Variants in NKAIN2 observed in about 807,000 individuals in gnomAD.
NKAIN2 encodes the protein sodium/potassium transporting ATPase interacting 2.
In NKAIN2, 14 loss-of-function variants were observed where a neutral mutation model predicts 32.6. That is an observed-to-expected ratio of 0.43 (90% CI 0.28 to 0.67). The LOEUF (loss-of-function observed/expected upper bound fraction) is 0.67, where lower values mean the gene tolerates loss of function less well. NKAIN2 is among the 30% of genes least tolerant of loss of function. The pLI, the probability that NKAIN2 is intolerant of heterozygous loss-of-function variation, is 0.17. For synonymous variants in NKAIN2, 80 were observed against 87.2 expected (o/e 0.92, Z 0.46); for missense variants, 198 against 258.3 (o/e 0.77, Z 1.60).
chr6:124,453,322 AACACACACACACACACAC>A (rs766482280), intron 3 of NKAIN2, among the ~76,000 whole-genome samples: 1 of 63,872 alleles, frequency 1.6e-5, no homozygotes, highest in African/African-American at 5.1e-5. Flanking sequence ...CATGCATATA[AACACACACACACACACAC>A]ACACACACAC....
chr6:123,888,974 G>A (rs1467982565), intron 1 of NKAIN2, among the ~76,000 whole-genome samples: 2 of 152,106 alleles, frequency 1.3e-5, no homozygotes, highest in South Asian at 2.1e-4. Context: ...ACAGCAGGGC[G>A]AGCTGTATCA....
chr6:123,856,816 T>C (rs931436548), intron 1 of NKAIN2, among the ~76,000 whole-genome samples: 3 of 152,180 alleles, frequency 2.0e-5, no homozygotes, highest in African/African-American at 7.2e-5. Context: ...CTGCTCAAGT[T>C]TGAGAATTGC....
chr6:124,345,236 A>G (rs1356536861), intron 2 of NKAIN2, among the ~76,000 whole-genome samples: 1 of 152,160 alleles, frequency 6.6e-6, no homozygotes, highest in South Asian at 2.1e-4. Flanking sequence ...TCAGTTTGCC[A>G]GTATTTTATT....
At chr6:123,978,533 G>A (rs550267115) in intron 1 of NKAIN2, among the ~76,000 whole-genome samples, 2 of 152,316 alleles carry the variant, frequency 1.3e-5, no homozygotes, top group South Asian at 2.1e-4. Flanking sequence ...GATACATAGT[G>A]TGAAATGTAC....
chr6:124,016,930 G>A, intron 1 of NKAIN2, among the ~76,000 whole-genome samples: 1 of 152,192 alleles, frequency 6.6e-6, no homozygotes, highest in East Asian at 1.9e-4. Context: ...ACCCCAGGAT[G>A]TCAAGTGCCT....
rs559990279 is a variant in NKAIN2 at position 124,404,822 on chromosome 6, T to A, written c.273+49475T>A. ...TCATTAAAATATAAATCTTGTATCT[T>A]AAATTTACCAAGAGATTCTTTTTAT... On this transcript the variant is annotated intron_variant, in intron 3 of 6. Coordinates refer to ENST00000368417, the MANE Select transcript of NKAIN2 (RefSeq NM_001040214.3). 2.7e-4 allele frequency among the ~76,000 whole-genome samples: 41 copies of A among 152,332 alleles called. No individual in the cohort carries two copies. In the South Asian group the frequency reaches 2.9e-3, roughly 11 times the overall value.
chr6:124,076,572 G>A (rs955920000), intron 1 of NKAIN2, among the ~76,000 whole-genome samples: 1 of 152,178 alleles, frequency 6.6e-6, no homozygotes, highest in Non-Finnish European at 1.5e-5. Context: ...GATGGAACAC[G>A]TGAGGGTGAA....
At chr6:124,011,500 C>T (rs1780324634) in intron 1 of NKAIN2, among the ~76,000 whole-genome samples, 1 of 151,508 alleles carries the variant, frequency 6.6e-6, no homozygotes, top group African/African-American at 2.4e-5. Context: ...TAAATCATTA[C>T]CTTCCTTCCT....
intron 1 of NKAIN2, among the ~76,000 whole-genome samples, chr6:124,258,313 C>G (rs1004266630): frequency 2.0e-4 from 31 of 152,180 alleles, no homozygotes; most frequent in African/African-American, 7.2e-4. Flanking sequence ...CCAGTGTGCC[C>G]TGTGACAGCA....
chr6:124,231,813 A>G (rs1167435745), intron 1 of NKAIN2, among the ~76,000 whole-genome samples: 1 of 151,846 alleles, frequency 6.6e-6, no homozygotes, highest in Non-Finnish European at 1.5e-5. Context: ...AAAATGGACT[A>G]ATATTTATGT....
intron 2 of NKAIN2, among the ~76,000 whole-genome samples, chr6:124,286,587 G>C (rs568636724): frequency 6.6e-6 from 1 of 151,810 alleles, no homozygotes; most frequent in South Asian, 2.1e-4. Context: ...TCTAATCGTA[G>C]TGAGTTAGAA....
At chr6:124,652,882 C>T (rs919144744) in intron 3 of NKAIN2, among the ~76,000 whole-genome samples, 2 of 152,164 alleles carry the variant, frequency 1.3e-5, no homozygotes, top group Non-Finnish European at 2.9e-5. Flanking sequence ...GGCTTCACTT[C>T]CCAACACTAT....
intron 1 of NKAIN2, among the ~76,000 whole-genome samples, chr6:123,967,115 C>T (rs1044239805): frequency 6.6e-6 from 1 of 152,156 alleles, no homozygotes; most frequent in Non-Finnish European, 1.5e-5. Context: ...CCGGAATAGG[C>T]AACACTTTTG....
intron 4 of NKAIN2, among the ~76,000 whole-genome samples, chr6:124,718,957 T>A (rs981322413): frequency 6.6e-6 from 1 of 152,086 alleles, no homozygotes; most frequent in Admixed American, 6.5e-5. Flanking sequence ...AGAGAAAAAA[T>A]TCAATTTAAC....
intron 4 of NKAIN2, among the ~76,000 whole-genome samples, chr6:124,668,051 T>C (rs544413192): frequency 7.2e-5 from 11 of 152,276 alleles, no homozygotes; most frequent in African/African-American, 2.6e-4. Context: ...CTGACTGCCA[T>C]TTGTTTCTCT....
chr6:124,822,052 C>T (rs140566896), intron 6 of NKAIN2, among the ~76,000 whole-genome samples: 1 of 152,208 alleles, frequency 6.6e-6, no homozygotes, highest in Non-Finnish European at 1.5e-5. Flanking sequence ...TTAACACTAA[C>T]TTAGCTGCCA....
At chr6:124,455,337 G>A (rs934813709) in intron 3 of NKAIN2, among the ~76,000 whole-genome samples, 1 of 152,032 alleles carries the variant, frequency 6.6e-6, no homozygotes, top group Non-Finnish European at 1.5e-5. Flanking sequence ...TTAACAAAGA[G>A]GATCTGAGGT....
At chr6:124,713,830 G>A (rs142385310) in intron 4 of NKAIN2, among the ~76,000 whole-genome samples, 9 of 152,178 alleles carry the variant, frequency 5.9e-5, no homozygotes, top group African/African-American at 2.2e-4. Context: ...TATAATAGAA[G>A]TGATCACTCT....
chr6:124,156,679 T>C (rs541219854), intron 1 of NKAIN2, among the ~76,000 whole-genome samples: 1 of 152,270 alleles, frequency 6.6e-6, no homozygotes, highest in East Asian at 1.9e-4. Context: ...TGGAAGTCTC[T>C]AATCAAGAAA....
Sources: allele counts gnomAD v4.1 joint callset (sites outside exome capture counted in the v4.1 genomes callset), GRCh38; gene constraint gnomAD v4.1.1; transcripts MANE v1.5; gene names NCBI Gene and HGNC (gene_info 2026-07-23, HGNC 2026-07-21).